Variants in ITGAM observed in about 807,000 individuals in gnomAD.
ITGAM encodes integrin alpha-M.
In ITGAM, 79 loss-of-function variants were observed where a neutral mutation model predicts 137.5. The ratio of observed to expected loss-of-function variants is 0.57; its 90% CI spans 0.48 to 0.69. ITGAM has a LOEUF of 0.69. ITGAM is among the 30% of genes least tolerant of loss of function. The pLI is 0.00. For missense variants in ITGAM, 1,343 were observed against 1,483.5 expected (o/e 0.91, Z 1.56); for synonymous variants, 583 against 592.3 (o/e 0.98, Z 0.23).
At chr16:31,277,690 AC>A (rs1596986834) in intron 11 of ITGAM, among the ~76,000 whole-genome samples, 1 of 151,688 alleles carries the variant, frequency 6.6e-6, no homozygotes, top group East Asian at 1.9e-4. Context: ...ACCGGGTTTC[AC>A]CATGTTGGCC....
At position 31,260,036 on chromosome 16, in the gene ITGAM, C is replaced by T; in HGVS notation, c.-29C>T. The T allele has an allele frequency of 6.3e-7, 1 of 1,576,556 alleles. No individual in the cohort carries two copies. The highest frequency in any genetic ancestry group is 2.3e-5 in the East Asian group (1 of 43,636). On this transcript the variant is annotated 5_prime_UTR_variant, in exon 1 of 30. Transcript: ENST00000544665. The stretch of plus-strand genomic sequence containing the variant: ...GTGGTGCCTGCAACCCCTGGTTCAC[C>T]TCCTTCCAGGTTCTGGCTCCTTCCA...
In ITGAM at chr16:31,260,013, G is replaced by A; in HGVS notation, c.-52G>A. ...GGTGGCTTCCTTGTGGTTCCTCAGTGGTGCCTGCAACCCCTGGTTCACCTC... is the reference window on the plus strand; with the variant it reads ...GGTGGCTTCCTTGTGGTTCCTCAGTAGTGCCTGCAACCCCTGGTTCACCTC... On this transcript the variant is annotated 5_prime_UTR_variant, in exon 1 of 30. Transcript: ENST00000544665. 6.5e-7 allele frequency: 1 copy of A among 1,530,264 alleles called. No individual in the cohort carries two copies. Among genetic ancestry groups the A allele is most frequent in the African/African-American group, 1.4e-5 (1 of 73,312 alleles). 94.8% of individuals were successfully genotyped at this position (1,530,264 alleles called of 1,614,324 possible).
chr16:31,264,798 C>T (rs2144253969), intron 2 of ITGAM, among the ~76,000 whole-genome samples: 2 of 152,336 alleles, frequency 1.3e-5, no homozygotes, highest in South Asian at 2.1e-4. Flanking sequence ...GCCTCAACCT[C>T]CCAAGGTGCT....
chr16:31,261,313 C>T (rs1183048684), intron 1 of ITGAM, among the ~76,000 whole-genome samples: 3 of 151,042 alleles, frequency 2.0e-5, no homozygotes, highest in Admixed American at 6.6e-5. Flanking sequence ...AGCAATCCTC[C>T]CACCTCAGCC....
chr16:31,280,460 GTAAGTTGGATTCC>G (rs1363002154), intron 12 of ITGAM, among the ~76,000 whole-genome samples: 6 of 152,148 alleles, frequency 3.9e-5, no homozygotes, highest in Non-Finnish European at 4.4e-5. Flanking sequence ...CACATCCCTT[GTAAGTTGGATTCC>G]TAGGTATTTT....
At chr16:31,277,826 TA>T in intron 11 of ITGAM, 140 bp from the exon 12 acceptor site, 2 of 850,470 alleles carry the variant, frequency 2.4e-6, no homozygotes, top group Non-Finnish European at 3.5e-6. Context: ...ATTATGTTCA[TA>T]AAGAGAAATA....
intron 16 of ITGAM, among the ~76,000 whole-genome samples, chr16:31,323,303 G>T (rs776030364): frequency 1.3e-5 from 2 of 151,890 alleles, no homozygotes; most frequent in African/African-American, 4.8e-5. Context: ...GGTGGTATGC[G>T]TCTGTAATCC....
intron 12 of ITGAM, among the ~76,000 whole-genome samples, chr16:31,294,927 A>T (rs913757372): frequency 6.6e-6 from 1 of 152,092 alleles, no homozygotes; most frequent in Non-Finnish European, 1.5e-5. Context: ...GTCTAATTTA[A>T]TCCTTTTGAA....
At chr16:31,312,637 C>G (rs961949988) in intron 14 of ITGAM, among the ~76,000 whole-genome samples, 1 of 152,062 alleles carries the variant, frequency 6.6e-6, no homozygotes, top group Non-Finnish European at 1.5e-5. Flanking sequence ...CTATGTTTCC[C>G]AGGCTGGTCT....
chr16:31,297,749 C>T lies in ITGAM; in HGVS notation c.1502C>T (p.Ala501Val). The T allele has an allele frequency of 1.3e-6, 2 of 1,595,536 alleles. No homozygotes were observed. The highest frequency in any genetic ancestry group is 2.2e-5 in the East Asian group (1 of 44,726). Residue 501 changes from alanine to valine, a missense_variant, in exon 14 of 30, where the codon GCT becomes GTT. Transcript: ENST00000544665. Reference sequence around the variant, plus strand: ...GATACTGTTTGTGTTTAGCAGAGGGCTCGGTGGCAGTGTGATGCTGTTCTC... The same window carrying T: ...GATACTGTTTGTGTTTAGCAGAGGGTTCGGTGGCAGTGTGATGCTGTTCTC... ...VSVCPLPRGR[A>V]RWQCDAVLYG... is the part of the protein sequence containing the mutation.
rs368278432 is a variant in ITGAM at position 31,325,475 on chromosome 16, C to T, written c.2506-25C>T. 212 of 1,613,630 alleles carry T rather than the reference C, an allele frequency of 1.3e-4. No individual in the cohort carries two copies. In the East Asian group the frequency reaches 2.0e-3, roughly 15 times the overall value. ...CCTCACGGCCGGAGGTGGATATCAC[C>T]GCCTTTGCCTCCCCTGCCTTCCAGA... is the stretch of plus-strand genomic sequence containing the variant. On this transcript the variant is annotated intron_variant, in intron 20 of 29. Coordinates refer to ENST00000544665, the MANE Select transcript of ITGAM (RefSeq NM_000632.4).
chr16:31,302,603 C>T (rs1241301639), intron 14 of ITGAM, among the ~76,000 whole-genome samples: 18 of 149,888 alleles, frequency 1.2e-4, no homozygotes, highest in African/African-American at 4.4e-4. Flanking sequence ...GGAGTGAGCT[C>T]GGCTCACTGC....
rs541727151 is a variant in ITGAM, at chr16:31,297,607, G to A, written c.1450G>A (p.Glu484Lys). ...CCTCATCGGGGCCCCCCATTACTACGAGCAGACCCGAGGGGGCCAGGTGTC... is the reference window on the plus strand; with the variant it reads ...CCTCATCGGGGCCCCCCATTACTACAAGCAGACCCGAGGGGGCCAGGTGTC... ...LVLIGAPHYY[E>K]QTRGGQVSVC... Residue 484 changes from glutamate to lysine, a missense_variant, in exon 13 of 30, where the codon GAG becomes AAG. Transcript: ENST00000544665. 76 of 1,613,066 alleles carry A rather than the reference G, an allele frequency of 4.7e-5. No homozygotes were observed. Among genetic ancestry groups the A allele is most frequent in the Non-Finnish European group, 3.6e-5 (43 of 1,179,918 alleles).
chr16:31,279,881 T>G (rs1300889438), intron 12 of ITGAM, among the ~76,000 whole-genome samples: 8 of 152,304 alleles, frequency 5.3e-5, no homozygotes, highest in Middle Eastern at 3.4e-3. Flanking sequence ...GGTCTAACAT[T>G]TAAGTCTTTA....
chr16:31,293,121 ATTTG>A (rs1369719447), intron 12 of ITGAM, among the ~76,000 whole-genome samples: 3 of 151,980 alleles, frequency 2.0e-5, no homozygotes, highest in Admixed American at 6.6e-5. Context: ...TCTCTTGTAA[ATTTG>A]TTTAAGTACC....
At chr16:31,268,601 G>C (rs1272837016) in intron 5 of ITGAM, among the ~76,000 whole-genome samples, 1 of 152,154 alleles carries the variant, frequency 6.6e-6, no homozygotes, top group African/African-American at 2.4e-5. Flanking sequence ...ACTGTGCCCT[G>C]CCAGTCTTTC....
intron 12 of ITGAM, among the ~76,000 whole-genome samples, chr16:31,296,816 T>C (rs2080139260): frequency 6.6e-6 from 1 of 152,214 alleles, no homozygotes; most frequent in Admixed American, 6.5e-5. Context: ...AATGAATGAA[T>C]GAATGTATGA....
At chr16:31,313,431 A>G (rs1208937675) in intron 14 of ITGAM, among the ~76,000 whole-genome samples, 6 of 150,148 alleles carry the variant, frequency 4.0e-5, no homozygotes, top group Non-Finnish European at 7.4e-5. Flanking sequence ...CCCTGTGTCC[A>G]TGTATTCTCA....
intron 14 of ITGAM, among the ~76,000 whole-genome samples, chr16:31,314,163 C>A (rs142290424): frequency 1.3e-3 from 191 of 152,162 alleles, no homozygotes; most frequent in African/African-American, 4.3e-3. Context: ...CAAAAATATT[C>A]TCTCATTCTG....
Sources: gnomAD v4.1 joint callset for allele counts (sites outside exome capture counted in the v4.1 genomes callset) on GRCh38, gnomAD v4.1.1 for gene constraint, MANE v1.5 for transcripts, NCBI Gene and HGNC (gene_info 2026-07-23, HGNC 2026-07-21) for gene names.